Variants in FTO observed in about 807,000 individuals in gnomAD.
FTO encodes the protein alpha-ketoglutarate-dependent dioxygenase FTO.
Under a neutral mutation model 63.9 loss-of-function variants are expected in FTO, and 47 were observed. The observed-to-expected ratio is 0.74, with a 90% CI of 0.58 to 0.94. FTO has a LOEUF of 0.94. Among genes scored for constraint, FTO ranks in the 40% least tolerant of loss-of-function variants. FTO has a pLI of 0.00. For synonymous variants in FTO, 207 were observed against 224.4 expected (o/e 0.92, Z 0.69); for missense variants, 562 against 618.1 (o/e 0.91, Z 0.96).
chr16:53,762,582 G>A (rs1013251613), intron 1 of FTO, among the ~76,000 whole-genome samples: 1 of 152,158 alleles, frequency 6.6e-6, no homozygotes, highest in African/African-American at 2.4e-5. Flanking sequence ...GCATGCGAGG[G>A]TGGGGAGGAG....
At chr16:53,790,996 G>T (rs2077898505) in intron 1 of FTO, among the ~76,000 whole-genome samples, 1 of 152,192 alleles carries the variant, frequency 6.6e-6, no homozygotes, top group African/African-American at 2.4e-5. Context: ...GAATAAAAGG[G>T]AGAGGATGTC....
intron 8 of FTO, chr16:54,069,783 A>T (rs564883637): frequency 4.6e-5 from 7 of 152,288 alleles, no homozygotes; most frequent in African/African-American, 1.7e-4. Flanking sequence ...AGTGGGACAG[A>T]CATCACTCCT....
intron 7 of FTO, among the ~76,000 whole-genome samples, chr16:53,930,649 G>T (rs140105460): frequency 6.6e-6 from 1 of 152,040 alleles, no homozygotes; most frequent in Non-Finnish European, 1.5e-5. Flanking sequence ...TACGAAAAAT[G>T]AGTCAATTTA....
At chr16:53,929,295 C>T (rs1389233212) in intron 7 of FTO, among the ~76,000 whole-genome samples, 8 of 152,184 alleles carry the variant, frequency 5.3e-5, no homozygotes, top group Non-Finnish European at 5.9e-5. Flanking sequence ...ATTGCCTGTT[C>T]CAGAATGTCA....
Position 54,112,052 on chromosome 16 carries a change from T to C in FTO, c.*137T>C, listed in dbSNP as rs1395142536. 1 of 859,568 alleles carries C rather than the reference T, an allele frequency of 1.2e-6. No individual in the cohort carries two copies. The highest frequency in any genetic ancestry group is 1.9e-6 in the Non-Finnish European group (1 of 514,670). 53.2% of individuals were successfully genotyped at this position (859,568 alleles called of 1,614,324 possible). A position where few individuals can be genotyped will look rare whatever the true frequency, so the allele number is the denominator to read the frequency against. On this transcript the variant is annotated 3_prime_UTR_variant, in exon 9 of 9. Transcript: ENST00000471389. Reference sequence around the variant, plus strand: ...CACCCGGGTCCCAATCCAAAACAGCTAGGAAATGGTGCCCATGAAGTTTTA... The same window carrying C: ...CACCCGGGTCCCAATCCAAAACAGCCAGGAAATGGTGCCCATGAAGTTTTA...
At chr16:54,080,181 A>G (rs1156304879) in intron 8 of FTO, among the ~76,000 whole-genome samples, 3 of 152,182 alleles carry the variant, frequency 2.0e-5, no homozygotes, top group Non-Finnish European at 4.4e-5. Flanking sequence ...GAGGCCAGGC[A>G]TTCAAGACCA....
chr16:53,948,431 G>C (rs1010043071), intron 8 of FTO, among the ~76,000 whole-genome samples: 2 of 152,236 alleles, frequency 1.3e-5, no homozygotes, highest in African/African-American at 4.8e-5. Context: ...GTGAGACACT[G>C]TTAAGTTCAA....
At chr16:54,091,268 G>A (rs1383201464) in intron 8 of FTO, among the ~76,000 whole-genome samples, 6 of 152,140 alleles carry the variant, frequency 3.9e-5, no homozygotes, top group Admixed American at 6.5e-5. Flanking sequence ...ATGGTATGCC[G>A]GTACAGTGGC....
intron 4 of FTO, among the ~76,000 whole-genome samples, chr16:53,847,768 CA>C (rs758088459): frequency 0.036 from 4,004 of 111,542 alleles, 52 homozygotes; most frequent in Middle Eastern, 0.052. Context: ...AATTCCATCT[CA>C]AAAAAAAAAA....
At chr16:53,844,924 T>C (rs181494538) in intron 4 of FTO, among the ~76,000 whole-genome samples, 3 of 139,250 alleles carry the variant, frequency 2.2e-5, no homozygotes, top group South Asian at 2.4e-4. Context: ...TTTTTTTTTT[T>C]TTCTTCTAGT....
At chr16:53,881,580 G>GT (rs1598898180) in intron 6 of FTO, among the ~76,000 whole-genome samples, 2 of 152,190 alleles carry the variant, frequency 1.3e-5, no homozygotes, top group Non-Finnish European at 2.9e-5. Context: ...CTGGGAGCAA[G>GT]TGTCACTGCC....
chr16:53,896,539 T>C (rs1045694701), intron 7 of FTO, among the ~76,000 whole-genome samples: 1 of 152,164 alleles, frequency 6.6e-6, no homozygotes, highest in African/African-American at 2.4e-5. Context: ...ATCAAGATGT[T>C]AGAATCTTTT....
intron 8 of FTO, among the ~76,000 whole-genome samples, chr16:54,067,388 T>A (rs1337493580): frequency 2.6e-5 from 4 of 152,208 alleles, no homozygotes; most frequent in African/African-American, 9.6e-5. Context: ...GGAGAGTGGA[T>A]AAGCGGCCAT....
intron 4 of FTO, among the ~76,000 whole-genome samples, chr16:53,861,908 A>C (rs905540608): frequency 2.6e-5 from 4 of 152,262 alleles, no homozygotes; most frequent in Admixed American, 2.0e-4. Flanking sequence ...TCACTTGTGA[A>C]TATCTGCTTG....
chr16:53,963,548 C>T (rs890236793), intron 8 of FTO, among the ~76,000 whole-genome samples: 3 of 152,128 alleles, frequency 2.0e-5, no homozygotes, highest in Non-Finnish European at 2.9e-5. Context: ...ACCCTTGGTA[C>T]TGTGTAGTGA....
chr16:53,953,173 G>A (rs2082840103), intron 8 of FTO, among the ~76,000 whole-genome samples: 1 of 152,098 alleles, frequency 6.6e-6, no homozygotes, highest in Admixed American at 6.6e-5. Flanking sequence ...TGAAGCCAGG[G>A]GCTAAAACTC....
At chr16:54,095,692 C>T (rs2144573937) in intron 8 of FTO, among the ~76,000 whole-genome samples, 1 of 152,258 alleles carries the variant, frequency 6.6e-6, no homozygotes, top group African/African-American at 2.4e-5. Flanking sequence ...TACTTGTCCT[C>T]CTTTCAAAGA....
chr16:54,017,237 A>G (rs1179670253), intron 8 of FTO, among the ~76,000 whole-genome samples: 2 of 152,202 alleles, frequency 1.3e-5, no homozygotes, highest in African/African-American at 4.8e-5. Context: ...TCGACACCAA[A>G]TCAAGTTGAT....
intron 8 of FTO, among the ~76,000 whole-genome samples, chr16:54,093,937 C>T (rs775864600): frequency 2.0e-5 from 3 of 152,116 alleles, no homozygotes; most frequent in Admixed American, 1.3e-4. Context: ...ATTTACCAGA[C>T]GTGACTTTGG....
Sources: gnomAD v4.1 joint callset for allele counts (sites outside exome capture counted in the v4.1 genomes callset) on GRCh38, gnomAD v4.1.1 for gene constraint, MANE v1.5 for transcripts, NCBI Gene and HGNC (gene_info 2026-07-23, HGNC 2026-07-21) for gene names.